Variants in CTSC observed in about 807,000 individuals in gnomAD.
CTSC encodes the protein dipeptidyl peptidase 1.
A neutral mutation model predicts 40.9 loss-of-function variants in CTSC; 37 were observed. The ratio of observed to expected loss-of-function variants is 0.91; its 90% CI spans 0.70 to 1.19. CTSC has a LOEUF of 1.19. Among genes scored for constraint, CTSC ranks in the 50% most tolerant of loss-of-function variants. CTSC has a pLI of 0.00. For missense variants in CTSC, 594 were observed against 567.3 expected (o/e 1.05, Z -0.48); for synonymous variants, 232 against 207.4 (o/e 1.12, Z -1.02).
chr11:88,310,926 T>C (rs1395220402), intron 3 of CTSC, among the ~76,000 whole-genome samples: 1 of 152,224 alleles, frequency 6.6e-6, no homozygotes, highest in African/African-American at 2.4e-5. Flanking sequence ...TCATAACATC[T>C]AGCAAAACCT....
intron 2 of CTSC, chr11:88,323,056 C>T (rs933025377): frequency 6.6e-6 from 1 of 152,070 alleles, no homozygotes; most frequent in Non-Finnish European, 1.5e-5. Flanking sequence ...GCAGCACATC[C>T]AAAAGCTTAT....
intron 5 of CTSC, chr11:88,299,325 T>G (rs776050261): frequency 6.6e-6 from 1 of 152,228 alleles, no homozygotes; most frequent in Non-Finnish European, 1.5e-5. Flanking sequence ...CATTTCTCAA[T>G]TATCTTCAAA....
At chr11:88,326,762 T>C (rs1018531964) in intron 2 of CTSC, among the ~76,000 whole-genome samples, 1 of 152,212 alleles carries the variant, frequency 6.6e-6, no homozygotes, top group African/African-American at 2.4e-5. Flanking sequence ...CTTAGATACA[T>C]TAACATGTAT....
intron 4 of CTSC, among the ~76,000 whole-genome samples, chr11:88,308,693 T>A (rs1937687380): frequency 6.7e-6 from 1 of 150,300 alleles, no homozygotes; most frequent in Non-Finnish European, 1.5e-5. Context: ...CCCCACCCCT[T>A]CCCCCAAGCT....
rs1385408611 is a variant in CTSC at position 88,337,725 on chromosome 11, C to G, written c.-53G>C. ...AGAATTACCAGGAAGCCGAGCGCTG[C>G]GGGCTAGCGGTGAGTCCACCACGAG... On this transcript the variant is annotated 5_prime_UTR_variant, in exon 1 of 7. Transcript: ENST00000227266. The G allele has an allele frequency of 1.6e-5, 25 of 1,545,022 alleles. No individual in the cohort carries two copies. Among genetic ancestry groups the G allele is most frequent in the Non-Finnish European group, 2.2e-5 (25 of 1,143,530 alleles).
At position 88,301,802 on chromosome 11, in the gene CTSC, ACACGCG is replaced by A. The variant is rs67656737; in HGVS notation, c.642-1163_642-1158del. Among the ~76,000 whole-genome samples, 24 of 119,002 alleles carry A rather than the reference ACACGCG, an allele frequency of 2.0e-4. No homozygotes were observed. In the Admixed American group the frequency reaches 2.1e-3, roughly 10 times the overall value. The allele number at this position is 119,002 out of a possible 152,430, so 78.1% of individuals were successfully genotyped here. On this transcript the variant is annotated intron_variant, in intron 4 of 6. Transcript: ENST00000227266. ...CATACACATGCACACACACACAAAC[ACACGCG>A]CGCACACACACACACACACACACAC...
chr11:88,316,109 A>G (rs908814176), intron 2 of CTSC, among the ~76,000 whole-genome samples: 1 of 152,022 alleles, frequency 6.6e-6, no homozygotes, highest in Non-Finnish European at 1.5e-5. Flanking sequence ...AGCAGTCCTC[A>G]TAGGTGTTCT....
chr11:88,321,958 T>C (rs1326699438), intron 2 of CTSC: 1 of 152,212 alleles, frequency 6.6e-6, no homozygotes, highest in East Asian at 1.9e-4. Flanking sequence ...CATTGTGACA[T>C]GAGATGGTAT....
intron 2 of CTSC, among the ~76,000 whole-genome samples, chr11:88,317,964 A>T (rs1316919734): frequency 6.6e-6 from 1 of 152,220 alleles, no homozygotes; most frequent in African/African-American, 2.4e-5. Flanking sequence ...CATTCTCAAA[A>T]TATCCCTTCT....
At position 88,293,916 on chromosome 11, in the gene CTSC, G is replaced by GACAGA; in HGVS notation, c.*89_*90insTCTGT. The GACAGA allele has an allele frequency of 2.9e-6, 4 of 1,394,782 alleles. No individual in the cohort carries two copies. The highest frequency in any genetic ancestry group is 4.0e-6 in the Non-Finnish European group (4 of 990,414). 86.4% of individuals were successfully genotyped at this position (1,394,782 alleles called of 1,614,324 possible). The stretch of plus-strand genomic sequence containing the variant: ...CATGGAAATCTATTTGTAAGCTTCT[G>GACAGA]AGATTGCTGCTGAAAGTCTACAGTC... On this transcript the variant is annotated 3_prime_UTR_variant, in exon 7 of 7. Coordinates refer to ENST00000227266, the MANE Select transcript of CTSC (RefSeq NM_001814.6).
intron 4 of CTSC, among the ~76,000 whole-genome samples, chr11:88,301,490 G>A (rs1027113842): frequency 1.3e-5 from 2 of 152,000 alleles, no homozygotes; most frequent in Non-Finnish European, 1.5e-5. Context: ...ATAAATCTCC[G>A]CTTTTGTTGC....
chr11:88,317,532 G>A (rs773941312), intron 2 of CTSC, among the ~76,000 whole-genome samples: 51 of 152,152 alleles, frequency 3.4e-4, no homozygotes, highest in Non-Finnish European at 4.9e-4. Flanking sequence ...TAGTAAAAGA[G>A]AGGCATTTAC....
At chr11:88,327,219 G>C (rs945611156) in intron 2 of CTSC, among the ~76,000 whole-genome samples, 5 of 152,194 alleles carry the variant, frequency 3.3e-5, no homozygotes, top group African/African-American at 1.2e-4. Context: ...AAGATAACGC[G>C]ACACAACTGA....
intron 4 of CTSC, among the ~76,000 whole-genome samples, chr11:88,303,487 A>G (rs1336303146): frequency 6.6e-6 from 1 of 152,164 alleles, no homozygotes; most frequent in Non-Finnish European, 1.5e-5. Context: ...AGAAATACTA[A>G]CTAATGTTTA....
intron 2 of CTSC, among the ~76,000 whole-genome samples, chr11:88,319,576 C>A (rs1937951250): frequency 6.6e-6 from 1 of 151,896 alleles, no homozygotes; most frequent in Admixed American, 6.6e-5. Context: ...TTACTTTTGG[C>A]AACAAAATCA....
At position 88,309,184 on chromosome 11, in the gene CTSC, C is replaced by T. The variant is rs907291710; in HGVS notation, c.620G>A (p.Gly207Asp). Residue 207 changes from glycine to aspartate, a missense_variant, in exon 4 of 7, where the codon GGC becomes GAC. By Grantham distance (94) the Gly-to-Asp change is moderately conservative. Coordinates refer to ENST00000227266, the MANE Select transcript of CTSC (RefSeq NM_001814.6). ...TLGDMIRRSG[G>D]HSRKIPRPKP... ...TTACCTTGGGATTTTTCGACTGTGG[C>T]CACCACTTCTCCTAATCATATCTCC... The T allele has an allele frequency of 6.2e-7, 1 of 1,613,922 alleles. No homozygotes were observed. Among genetic ancestry groups the T allele is most frequent in the Non-Finnish European group, 8.5e-7 (1 of 1,179,892 alleles).
At chr11:88,336,313 G>A (rs904750521) in intron 1 of CTSC, among the ~76,000 whole-genome samples, 16 of 151,744 alleles carry the variant, frequency 1.1e-4, no homozygotes, top group African/African-American at 3.9e-4. Flanking sequence ...GGCCGAGGCG[G>A]GCGGATCACG....
intron 2 of CTSC, chr11:88,321,178 G>C (rs217054): frequency 0.76 from 231,384 of 303,482 alleles, 88,544 homozygotes; most frequent in East Asian, 1. Flanking sequence ...TACATGTGTA[G>C]GATGTGCAGG....
chr11:88,295,530 C>T (rs757563657), intron 6 of CTSC, among the ~76,000 whole-genome samples: 24 of 151,966 alleles, frequency 1.6e-4, no homozygotes, highest in Non-Finnish European at 3.2e-4. Context: ...CAAGCACACA[C>T]CACCACGCCC....
Sources: allele counts gnomAD v4.1 joint callset (sites outside exome capture counted in the v4.1 genomes callset), GRCh38; gene constraint gnomAD v4.1.1; transcripts MANE v1.5; gene names NCBI Gene and HGNC (gene_info 2026-07-23, HGNC 2026-07-21).